The following SLIT2 variants were observed in gnomAD, a reference collection of about 807,000 sequenced individuals.
SLIT2 encodes slit guidance ligand 2.
SLIT2 carries 41 observed loss-of-function variants against 185.7 expected under a neutral mutation model. The ratio of observed to expected loss-of-function variants is 0.22; its 90% CI spans 0.17 to 0.29. The LOEUF (loss-of-function observed/expected upper bound fraction) is 0.29. Among genes scored for constraint, SLIT2 ranks in the 10% least tolerant of loss-of-function variants. The pLI is 1.00. For missense variants in SLIT2, 1,571 were observed against 1,909.0 expected (o/e 0.82, Z 3.30); for synonymous variants, 693 against 680.2 (o/e 1.02, Z -0.29).
In SLIT2 at chr4:20,401,518, G is replaced by C. The variant is rs145338552; in HGVS notation, c.396-66234G>C. Reference sequence around the variant, plus strand: ...GGGCTCTTCAGACACAAAACATGCTGATTCTGACCCCTTCATCCAGCAAAT... The same window carrying C: ...GGGCTCTTCAGACACAAAACATGCTCATTCTGACCCCTTCATCCAGCAAAT... On this transcript the variant is annotated intron_variant, in intron 4 of 36. Transcript: ENST00000504154. Among the ~76,000 whole-genome samples the C allele has an allele frequency of 5.3e-5, 8 of 151,858 alleles. No individual in the cohort carries two copies. The East Asian group carries it at 1.6e-3, about 29-fold the overall frequency.
At chr4:20,353,912 C>T (rs1356500025) in intron 4 of SLIT2, among the ~76,000 whole-genome samples, 1 of 152,158 alleles carries the variant, frequency 6.6e-6, no homozygotes, top group African/African-American at 2.4e-5. Flanking sequence ...TTTTTGGTAA[C>T]ACTGCTCATT....
chr4:20,307,951 T>C (rs922423627), intron 4 of SLIT2, among the ~76,000 whole-genome samples: 7 of 152,168 alleles, frequency 4.6e-5, no homozygotes, highest in African/African-American at 1.7e-4. Flanking sequence ...GTGCTACACA[T>C]TGCTTTAGGA....
chr4:20,282,939 C>T (rs1714916028), intron 4 of SLIT2, among the ~76,000 whole-genome samples: 1 of 152,130 alleles, frequency 6.6e-6, no homozygotes, highest in Non-Finnish European at 1.5e-5. Context: ...TTTAATAGTG[C>T]ATTGGCTTAT....
At chr4:20,431,783 C>T (rs1489841127) in intron 4 of SLIT2, among the ~76,000 whole-genome samples, 5 of 152,196 alleles carry the variant, frequency 3.3e-5, no homozygotes, top group Admixed American at 6.5e-5. Flanking sequence ...CTTGGAATAG[C>T]GTCACCCTCT....
At chr4:20,368,219 C>CAAAAAAAAAAAAAAAAAAAAAAAAGAAA (rs71653879) in intron 4 of SLIT2, among the ~76,000 whole-genome samples, 1 of 107,430 alleles carries the variant, frequency 9.3e-6, no homozygotes, top group African/African-American at 3.8e-5. Flanking sequence ...CACAAAATAG[C>CAAAAAAAAAAAAAAAAAAAAAAAAGAAA]AAAAAAAAAA....
chr4:20,560,000 C>T (rs1724569949), intron 26 of SLIT2, among the ~76,000 whole-genome samples: 1 of 151,750 alleles, frequency 6.6e-6, no homozygotes, highest in Non-Finnish European at 1.5e-5. Flanking sequence ...ATAATTCATT[C>T]AAGGAAATCC....
intron 33 of SLIT2, among the ~76,000 whole-genome samples, chr4:20,600,330 G>A (rs1351832752): frequency 7.2e-6 from 1 of 138,836 alleles, no homozygotes; most frequent in African/African-American, 2.6e-5. Context: ...TAACGAGTTT[G>A]TTTGAGTTTA....
chr4:20,350,386 A>C (rs1721774651), intron 4 of SLIT2, among the ~76,000 whole-genome samples: 1 of 152,102 alleles, frequency 6.6e-6, no homozygotes, highest in African/African-American at 2.4e-5. Flanking sequence ...AAGCATGAGC[A>C]AATTCTATTT....
chr4:20,461,427 G>T (rs183766239), intron 4 of SLIT2, among the ~76,000 whole-genome samples: 11 of 152,262 alleles, frequency 7.2e-5, no homozygotes, highest in African/African-American at 2.6e-4. Flanking sequence ...AGGGTGTGCT[G>T]ATCAGATTTT....
chr4:20,467,716 T>A, intron 4 of SLIT2, 36 bp from the exon 5 acceptor site: 1 of 1,281,334 alleles, frequency 7.8e-7, no homozygotes, highest in South Asian at 1.3e-5. Flanking sequence ...AAATAATATT[T>A]TCTAACGTGA....
rs1577351548 is a variant in SLIT2 at position 20,273,218 on chromosome 4, G to C, written c.395+4337G>C. ...TTATTTTTTTTTAATAGTTATAAGA[G>C]TAACACATGCTCATTGTAAAAAAGA... On this transcript the variant is annotated intron_variant, in intron 4 of 36. Transcript: ENST00000504154. Among the ~76,000 whole-genome samples the C allele has an allele frequency of 2.0e-5, 3 of 151,026 alleles. 1 individual carries two copies. Among genetic ancestry groups the C allele is most frequent in the Admixed American group, 6.6e-5 (1 of 15,158 alleles).
chr4:20,532,048 T>A lies in SLIT2; in HGVS notation c.1678T>A (p.Leu560Ile), dbSNP rs143141065. The change falls in exon 17 of 37, where the codon TTA becomes ATA. Residue 560 changes from leucine (L) to isoleucine (I), a missense_variant. Coordinates refer to ENST00000504154, the MANE Select transcript of SLIT2 (RefSeq NM_004787.4). ...ATGIFKKLPQ[L>I]RKINFSNNKI... ...AGGAATCTTTAAGAAACTTCCTCAA[T>A]TACGTAAAATGTAAGTCACTTGTTA... is the stretch of plus-strand genomic sequence containing the variant. The A allele has an allele frequency of 6.4e-7, 1 of 1,561,556 alleles. No individual in the cohort carries two copies. The highest frequency in any genetic ancestry group is 8.6e-7 in the Non-Finnish European group (1 of 1,156,298).
intron 4 of SLIT2, among the ~76,000 whole-genome samples, chr4:20,312,629 C>T (rs1252637595): frequency 3.3e-5 from 5 of 151,242 alleles, no homozygotes; most frequent in Admixed American, 2.0e-4. Context: ...AAAAAATTAG[C>T]GGGTTTGTTG....
intron 9 of SLIT2, among the ~76,000 whole-genome samples, chr4:20,493,985 G>T (rs972107573): frequency 1.3e-5 from 2 of 152,220 alleles, no homozygotes; most frequent in African/African-American, 4.8e-5. Flanking sequence ...GATAGTACCA[G>T]GAAACAAGTT....
At chr4:20,478,790 T>A (rs187097625) in intron 5 of SLIT2, among the ~76,000 whole-genome samples, 54 of 152,276 alleles carry the variant, frequency 3.5e-4, no homozygotes, top group Admixed American at 1.5e-3. Flanking sequence ...GATAAATTGT[T>A]CAAGAGGTTA....
intron 9 of SLIT2, among the ~76,000 whole-genome samples, chr4:20,507,553 C>T (rs975949666): frequency 6.6e-6 from 1 of 151,632 alleles, no homozygotes. Context: ...GATTATTTAT[C>T]AATAAAACTT....
intron 29 of SLIT2, among the ~76,000 whole-genome samples, chr4:20,589,161 G>T (rs1052331761): frequency 6.6e-6 from 1 of 152,132 alleles, no homozygotes; most frequent in Admixed American, 6.6e-5. Flanking sequence ...GTCTTGTCAT[G>T]ATAGTGATCC....
intron 4 of SLIT2, among the ~76,000 whole-genome samples, chr4:20,369,701 C>T (rs1256727032): frequency 1.3e-5 from 2 of 152,052 alleles, no homozygotes; most frequent in Non-Finnish European, 2.9e-5. Context: ...GGGACCTCCC[C>T]ATCCCTCTCC....
intron 4 of SLIT2, among the ~76,000 whole-genome samples, chr4:20,286,896 G>C (rs534267267): frequency 6.6e-6 from 1 of 152,162 alleles, no homozygotes; most frequent in African/African-American, 2.4e-5. Flanking sequence ...ATTTTTCCAC[G>C]CATTACACTC....
Sources: allele counts gnomAD v4.1 joint callset (sites outside exome capture counted in the v4.1 genomes callset), GRCh38; gene constraint gnomAD v4.1.1; transcripts MANE v1.5; gene names NCBI Gene and HGNC (gene_info 2026-07-23, HGNC 2026-07-21).